Variants in GLIS3 observed in about 807,000 individuals in gnomAD.
GLIS3 encodes GLIS family zinc finger 3, also known as zinc finger protein GLIS3.
A neutral mutation model predicts 78.6 loss-of-function variants in GLIS3; 53 were observed. That is an observed-to-expected ratio of 0.67 (90% CI 0.54 to 0.85). The LOEUF is 0.85. GLIS3 is among the 40% of genes least tolerant of loss of function. GLIS3 has a pLI of 0.00. For missense variants in GLIS3, 1,703 were observed against 1,231.1 expected, an observed-to-expected ratio of 1.38 and a Z score of -5.74; for synonymous variants, 684 against 509.9, an observed-to-expected ratio of 1.34 and a Z score of -4.60.
At chr9:4,312,114 A>T (rs1188015083) in intron 2 of GLIS3, among the ~76,000 whole-genome samples, 4 of 152,134 alleles carry the variant, frequency 2.6e-5, no homozygotes, top group Non-Finnish European at 5.9e-5. Flanking sequence ...ACAAACCTAC[A>T]CATGTACCTC....
At chr9:3,863,248 T>G (rs1416957735) in intron 8 of GLIS3, among the ~76,000 whole-genome samples, 1 of 152,234 alleles carries the variant, frequency 6.6e-6, no homozygotes, top group Non-Finnish European at 1.5e-5. Context: ...CTACTTATAC[T>G]TCCCTTCTGT....
intron 2 of GLIS3, among the ~76,000 whole-genome samples, chr9:4,312,830 C>A (rs1817385397): frequency 1.3e-5 from 2 of 152,202 alleles, no homozygotes; most frequent in South Asian, 2.1e-4. Context: ...GTTTACTCAT[C>A]CATAGGAAAA....
intron 4 of GLIS3, among the ~76,000 whole-genome samples, chr9:4,106,201 T>C (rs1333174265): frequency 6.6e-6 from 1 of 152,168 alleles, no homozygotes; most frequent in Non-Finnish European, 1.5e-5. Context: ...GTCAGCGTGA[T>C]TATCTAAAGC....
intron 4 of GLIS3, among the ~76,000 whole-genome samples, chr9:4,044,818 T>C (rs2130403815): frequency 6.6e-6 from 1 of 152,356 alleles, no homozygotes; most frequent in African/African-American, 2.4e-5. Context: ...CTTTTTATCT[T>C]TGGGCAGATC....
chr9:4,275,673 G>A (rs1210557076), intron 2 of GLIS3, among the ~76,000 whole-genome samples: 2 of 151,810 alleles, frequency 1.3e-5, no homozygotes, highest in Admixed American at 6.6e-5. Flanking sequence ...TGAGGTGGGA[G>A]GATCACTTGA....
intron 4 of GLIS3, among the ~76,000 whole-genome samples, chr9:4,003,370 T>C (rs1217602024): frequency 6.6e-6 from 1 of 152,120 alleles, no homozygotes; most frequent in Non-Finnish European, 1.5e-5. Context: ...AGGACAGAGA[T>C]AGAGGTAGGA....
In GLIS3 at chr9:4,011,453, G is replaced by C. The variant is rs557315969; in HGVS notation, c.1711-74264C>G. On this transcript the variant is annotated intron_variant, in intron 4 of 10. Coordinates refer to ENST00000381971, the MANE Select transcript of GLIS3 (RefSeq NM_001042413.2). ...GGCATTCAGTGGCCTGAGTGTCTTAGGTCCTATTAGCAAGGCCTTGGGGAA... is the reference window on the plus strand; with the variant it reads ...GGCATTCAGTGGCCTGAGTGTCTTACGTCCTATTAGCAAGGCCTTGGGGAA... Among the ~76,000 whole-genome samples the C allele has an allele frequency of 1.6e-3, 249 of 152,318 alleles. 1 individual carries two copies. Among genetic ancestry groups the C allele is most frequent in the Non-Finnish European group, 2.7e-3 (187 of 68,030 alleles).
chr9:4,118,393 G>C lies in GLIS3; in HGVS notation c.1085C>G (p.Pro362Arg), dbSNP rs146131512. ...LGVRGSCIPQ[P>R]RPVPGSQKGV... is the part of the protein sequence containing the mutation. Reference sequence around the variant, plus strand: ...CTTCTGGCTGCCGGGCACCGGGCGCGGCTGGGGAATGCAGCTGCCGCGCAC... The same window carrying C: ...CTTCTGGCTGCCGGGCACCGGGCGCCGCTGGGGAATGCAGCTGCCGCGCAC... Residue 362 changes from proline to arginine, a missense_variant, in exon 4 of 11, where the codon CCG (proline) becomes CGG (arginine). Physicochemically the swap from Pro to Arg is moderately radical, Grantham distance 103. Coordinates refer to ENST00000381971, the MANE Select transcript of GLIS3 (RefSeq NM_001042413.2). The surrounding 1 kb of genome is among the most constrained non-coding windows in gnomAD (Gnocchi z 4.7). 1 of 1,603,624 alleles carries C rather than the reference G, an allele frequency of 6.2e-7. No individual in the cohort carries two copies. Among genetic ancestry groups the C allele is most frequent in the African/African-American group, 1.3e-5 (1 of 74,812 alleles).
chr9:4,047,510 ACTTAAATCCACAC>A (rs560394489), intron 4 of GLIS3, among the ~76,000 whole-genome samples: 1,551 of 152,260 alleles, frequency 0.01, 16 homozygotes, highest in Non-Finnish European at 0.015. Flanking sequence ...TTACAAACAA[ACTTAAATCCACAC>A]CTTGTGACCT....
chr9:3,925,541 T>C (rs1182602118), intron 6 of GLIS3, among the ~76,000 whole-genome samples: 4 of 152,190 alleles, frequency 2.6e-5, no homozygotes, highest in South Asian at 2.1e-4. Flanking sequence ...TCCTCTCATG[T>C]ACCAAAGATG....
At chr9:4,423,620 A>G in the GLIS3 span, among the ~76,000 whole-genome samples, 3 of 152,184 alleles carry the variant, frequency 2.0e-5, no homozygotes, top group Non-Finnish European at 4.4e-5. Flanking sequence ...TGAAAAACCA[A>G]TAATTTCTAG....
intron 8 of GLIS3, among the ~76,000 whole-genome samples, chr9:3,860,199 C>T (rs550497573): frequency 3.1e-5 from 4 of 128,188 alleles, no homozygotes; most frequent in East Asian, 2.6e-4. Flanking sequence ...GGCGTGAATC[C>T]GGGAGGCGGA....
At chr9:3,829,572 A>C in intron 9 of GLIS3, 80 bp from the exon 10 acceptor site, 11 of 1,466,956 alleles carry the variant, frequency 7.5e-6, no homozygotes, top group Non-Finnish European at 1.0e-5. Context: ...CTAGAACCTC[A>C]CTCAGCCTGG....
the GLIS3 span, among the ~76,000 whole-genome samples, chr9:4,463,982 T>C: frequency 1.3e-5 from 2 of 152,298 alleles, no homozygotes; most frequent in South Asian, 2.1e-4. Context: ...TGGAATGTCA[T>C]AGATGCAAGT....
At chr9:4,054,482 CCTACGGGTT>C (rs2044506245) in intron 4 of GLIS3, 1 of 985,352 alleles carries the variant, frequency 1.0e-6, no homozygotes. Flanking sequence ...TCAGTCAGGG[CCTACGGGTT>C]CTGCAGGTAC....
Position 4,321,313 on chromosome 9 carries a change from T to G in GLIS3, n.265-10785A>C, listed in dbSNP as rs1436084736. On this transcript the variant is annotated intron_variant and non_coding_transcript_variant, in intron 2 of 4. Coordinates refer to the GLIS3 transcript ENST00000471664. ...GGCGGGCGCCTGTAGTCCCAGCTAC[T>G]CGGGAGGCTGAGGCAGGAGAATGGC... Among the ~76,000 whole-genome samples the G allele has an allele frequency of 4.6e-5, 6 of 130,154 alleles. 1 individual carries two copies. Among genetic ancestry groups the G allele is most frequent in the Admixed American group, 7.3e-5 (1 of 13,614 alleles). The allele number at this position is 130,154 out of a possible 152,430, so 85.4% of individuals were successfully genotyped here.
At chr9:4,372,710 A>C in the GLIS3 span, among the ~76,000 whole-genome samples, 1 of 152,230 alleles carries the variant, frequency 6.6e-6, no homozygotes, top group Non-Finnish European at 1.5e-5. Flanking sequence ...ATCTGCTTAA[A>C]TACATGATTT....
rs146131520 is a variant in GLIS3, at chr9:4,344,833, T to G, written n.264+2248A>C. 2.6e-4 allele frequency among the ~76,000 whole-genome samples: 40 copies of G among 152,308 alleles called. No individual in the cohort carries two copies. In the East Asian group the frequency reaches 7.3e-3, roughly 28 times the overall value. On this transcript the variant is annotated intron_variant and non_coding_transcript_variant, in intron 2 of 4. Coordinates refer to the GLIS3 transcript ENST00000471664. ...TTTCCTAAGGCCAAAATTCCTTGTCTGCTCTCTTCCTTTCAGATTGCCAAG... is the reference window on the plus strand; with the variant it reads ...TTTCCTAAGGCCAAAATTCCTTGTCGGCTCTCTTCCTTTCAGATTGCCAAG...
intron 2 of GLIS3, among the ~76,000 whole-genome samples, chr9:4,192,202 A>G (rs1463034882): frequency 6.6e-6 from 1 of 152,206 alleles, no homozygotes; most frequent in Non-Finnish European, 1.5e-5. Flanking sequence ...CTTTACCCAC[A>G]CTAAGCCTTT....
Sources: allele counts gnomAD v4.1 joint callset (sites outside exome capture counted in the v4.1 genomes callset), GRCh38; gene constraint gnomAD v4.1.1; non-coding constraint Gnocchi (gnomAD v3.1); transcripts MANE v1.5; gene names NCBI Gene and HGNC (gene_info 2026-07-23, HGNC 2026-07-21).